Variants in SHF observed in about 807,000 individuals in gnomAD.
SHF encodes Src homology 2 domain containing F.
In SHF, 30 loss-of-function variants were observed where a neutral mutation model predicts 42.4. The observed-to-expected ratio is 0.71, with a 90% confidence interval of 0.53 to 0.96. SHF has a LOEUF of 0.96. Among genes scored for constraint, SHF ranks in the 40% least tolerant of loss-of-function variants. SHF has a pLI of 0.00. For synonymous variants in SHF, 264 were observed against 269.9 expected, an observed-to-expected ratio of 0.98 and a Z score of 0.21; for missense variants, 598 against 634.0, an observed-to-expected ratio of 0.94 and a Z score of 0.61.
Position 45,172,278 on chromosome 15 carries a change from G to A in SHF, c.1029C>T (p.Gly343=). The part of the protein sequence containing the change: ...EGPEKSCLSP[G]REEKGRLPPR... ...GAGGTAGCCGCCCCTTCTCCTCCCG[G>A]CCAGGTGACAGGCAGCTCTTCTCCG... Residue 343 remains glycine, a synonymous_variant, in exon 5 of 7, where the codon GGC becomes GGT. Coordinates refer to ENST00000690270, the MANE Select transcript of SHF (RefSeq NM_001394037.1). 6.2e-7 allele frequency: 1 copy of A among 1,611,990 alleles called. No homozygotes were observed. The highest frequency in any genetic ancestry group is 8.5e-7 in the Non-Finnish European group (1 of 1,178,794).
At chr15:45,170,617 A>C (rs1489772268) in intron 6 of SHF, 1 of 320,330 alleles carries the variant, frequency 3.1e-6, no homozygotes, top group East Asian at 9.5e-5. Flanking sequence ...ACCTGACTAT[A>C]GTCCGGCACT....
Position 45,185,830 on chromosome 15 carries a change from C to A in SHF, c.498+1624G>T, listed in dbSNP as rs559766302. Among the ~76,000 whole-genome samples the A allele has an allele frequency of 5.9e-5, 9 of 152,334 alleles. No homozygotes were observed. In the East Asian group the frequency reaches 1.2e-3, roughly 20 times the overall value. On this transcript the variant is annotated intron_variant, in intron 1 of 6. Coordinates refer to ENST00000690270, the MANE Select transcript of SHF (RefSeq NM_001394037.1). ...GGGAGTCTCCGACCCTCACGCCACC[C>A]TGATAATGGACAGTCACCATTCAGG...
At chr15:45,173,746 G>T (rs1188566571) in intron 3 of SHF, 30 bp from the exon 4 acceptor site, 1 of 1,549,410 alleles carries the variant, frequency 6.5e-7, no homozygotes. Context: ...TGAGAAGAGA[G>T]ACAGACAGTG....
At chr15:45,198,748 C>T (rs373693467) in intron 2 of SHF, 11 of 1,596,500 alleles carry the variant, frequency 6.9e-6, no homozygotes, top group South Asian at 3.4e-5. Context: ...TCCCAGTTTG[C>T]GCGTCATTAA....
intron 1 of SHF, among the ~76,000 whole-genome samples, chr15:45,187,152 AT>A (rs939042452): frequency 1.9e-4 from 29 of 152,188 alleles, no homozygotes; most frequent in African/African-American, 6.8e-4. Flanking sequence ...CAAAAGGCTC[AT>A]GGATCAGGCT....
intron 2 of SHF, among the ~76,000 whole-genome samples, chr15:45,193,389 TCATAGGTAG>T (rs1191641434): frequency 6.6e-6 from 1 of 152,122 alleles, no homozygotes; most frequent in Non-Finnish European, 1.5e-5. Context: ...GGCTTCCAGT[TCATAGGTAG>T]ATGAGAGACA....
At chr15:45,171,357 A>G (rs77838982) in intron 6 of SHF, 5,322 of 157,374 alleles carry the variant, frequency 0.034, 337 homozygotes, top group African/African-American at 0.12. Context: ...AGACACACAC[A>G]CTCTTCCTCA....
upstream of SHF, among the ~76,000 whole-genome samples, chr15:45,189,049 C>G (rs1247027865): frequency 6.6e-6 from 1 of 151,874 alleles, no homozygotes; most frequent in Admixed American, 6.6e-5. Context: ...AAAAATTAGT[C>G]GGGTGTGGTG....
At chr15:45,169,559 C>T (rs114115226) in intron 6 of SHF, among the ~76,000 whole-genome samples, 3,038 of 152,324 alleles carry the variant, frequency 0.02, 98 homozygotes, top group African/African-American at 0.07. Flanking sequence ...TGTCCCCTGT[C>T]AGGCTCAAGG....
upstream of SHF, among the ~76,000 whole-genome samples, chr15:45,191,435 G>C (rs1320730181): frequency 6.6e-6 from 1 of 152,048 alleles, no homozygotes; most frequent in African/African-American, 2.4e-5. Context: ...TGATCCTCCC[G>C]CTTGGGCCTC....
At chr15:45,184,854 G>T (rs980638634) in intron 1 of SHF, among the ~76,000 whole-genome samples, 1 of 152,226 alleles carries the variant, frequency 6.6e-6, no homozygotes, top group African/African-American at 2.4e-5. Flanking sequence ...CGCGGCTCCT[G>T]CTGCTCCCAC....
chr15:45,168,945 G>A (rs1027426691), intron 6 of SHF, among the ~76,000 whole-genome samples: 1 of 152,210 alleles, frequency 6.6e-6, no homozygotes, highest in African/African-American at 2.4e-5. Context: ...CGGCCCATGA[G>A]AGGGCATGGG....
chr15:45,187,814 T>C lies in SHF; in HGVS notation c.138A>G (p.Gly46=). 1.1e-6 allele frequency: 1 copy of C among 902,956 alleles called. No homozygotes were observed. Among genetic ancestry groups the C allele is most frequent in the South Asian group, 5.2e-5 (1 of 19,404 alleles). The allele number at this position is 902,956 out of a possible 1,614,324, so 55.9% of individuals were successfully genotyped here. The change falls in exon 1 of 7, where the codon GGA becomes GGG. Residue 46 remains glycine (G), a synonymous_variant. Transcript: ENST00000690270. Reference sequence around the variant, plus strand: ...GGTGCTCCCGGAGCCACTTGGCTACTCCGCCGCTGCCGCCCCCTCCTGGGC... The same window carrying C: ...GGTGCTCCCGGAGCCACTTGGCTACCCCGCCGCTGCCGCCCCCTCCTGGGC... The part of the protein sequence containing the change: ...GAGPGGGGSG[G]VAKWLREHLG...
At chr15:45,175,187 C>T in intron 3 of SHF, 32 bp downstream of exon 3, 1 of 1,578,412 alleles carries the variant, frequency 6.3e-7, no homozygotes, top group African/African-American at 1.4e-5. Flanking sequence ...CTCAGAGGCC[C>T]CAGCTGACCT....
intron 3 of SHF, among the ~76,000 whole-genome samples, 152 bp downstream of exon 3, chr15:45,175,066 AC>A (rs1897726183): frequency 6.6e-6 from 1 of 151,664 alleles, no homozygotes; most frequent in African/African-American, 2.4e-5. Context: ...CACACTGCCA[AC>A]CCCACCCCCT....
At chr15:45,169,291 G>C (rs916086989) in intron 6 of SHF, among the ~76,000 whole-genome samples, 3 of 152,232 alleles carry the variant, frequency 2.0e-5, no homozygotes, top group Non-Finnish European at 4.4e-5. Context: ...AGAGTGGGGA[G>C]GCTGAAGGGA....
chr15:45,171,522 T>C (rs1332944570), intron 6 of SHF: 2 of 227,004 alleles, frequency 8.8e-6, no homozygotes, highest in East Asian at 9.4e-5. Flanking sequence ...AGTGATAATT[T>C]ATTGAGCCCT....
chr15:45,187,509 G>T lies in SHF; in HGVS notation c.443C>A (p.Pro148His), dbSNP rs2141422069. The T allele has an allele frequency of 8.1e-7, 1 of 1,232,472 alleles. No individual in the cohort carries two copies. Among genetic ancestry groups the T allele is most frequent in the African/African-American group, 1.5e-5 (1 of 64,518 alleles). 76.3% of individuals were successfully genotyped at this position (1,232,472 alleles called of 1,614,324 possible). A position where few individuals can be genotyped will look rare whatever the true frequency, so the allele number is the denominator to read the frequency against. The change falls in exon 1 of 7, where the codon CCC becomes CAC. Residue 148 changes from proline to histidine, a missense_variant. Physicochemically the swap from Pro to His is moderately conservative, Grantham distance 77. Coordinates refer to ENST00000690270, the MANE Select transcript of SHF (RefSeq NM_001394037.1). Reference protein sequence around the residue: ...HRLIRVETPGPPAPPADERIS... With the variant: ...HRLIRVETPGHPAPPADERIS... Reference sequence around the variant, plus strand: ...CCGCTCATCAGCAGGCGGCGCCGGGGGCCCCGGGGTCTCGACCCGAATAAG... The same window carrying T: ...CCGCTCATCAGCAGGCGGCGCCGGGTGCCCCGGGGTCTCGACCCGAATAAG...
chr15:45,168,237 G>A (rs571409863), intron 6 of SHF, 104 bp from the exon 7 acceptor site: 10 of 1,138,144 alleles, frequency 8.8e-6, no homozygotes, highest in African/African-American at 3.1e-5. Context: ...TGGTGGTTCC[G>A]AAGCCAGCTG....
Sources: gnomAD v4.1 joint callset for allele counts (sites outside exome capture counted in the v4.1 genomes callset) on GRCh38, gnomAD v4.1.1 for gene constraint, MANE v1.5 for transcripts, NCBI Gene and HGNC (gene_info 2026-07-23, HGNC 2026-07-21) for gene names.